Variants in CALY observed in about 807,000 individuals in gnomAD.
The protein encoded by CALY is calcyon neuron specific vesicular protein.
In CALY, 15 loss-of-function variants were observed where a neutral mutation model predicts 20.2. The observed-to-expected ratio is 0.74, with a 90% confidence interval of 0.50 to 1.14. The LOEUF (loss-of-function observed/expected upper bound fraction) is 1.14. Ranked by LOEUF, CALY falls within the 50% of genes most tolerant of loss-of-function variation. The pLI is 0.00. For missense variants in CALY, 270 were observed against 304.4 expected, an observed-to-expected ratio of 0.89 and a Z score of 0.84; for synonymous variants, 129 against 131.8, an observed-to-expected ratio of 0.98 and a Z score of 0.15.
At chr10:133,326,732 G>T in intron 4 of CALY, 146 bp downstream of exon 4, 1 of 604,156 alleles carries the variant, frequency 1.7e-6, no homozygotes, top group Non-Finnish European at 3.0e-6. Flanking sequence ...CAAAAGATAC[G>T]ATCTCATGTT....
At chr10:133,336,613 A>C (rs1227001898) in intron 1 of CALY, among the ~76,000 whole-genome samples, 2 of 152,170 alleles carry the variant, frequency 1.3e-5, no homozygotes, top group African/African-American at 2.4e-5. Flanking sequence ...CAGCCAGAGG[A>C]GGCCCGAGGG....
rs540476180 is a variant in CALY, at chr10:133,336,470, C to G, written c.-21+364G>C. On this transcript the variant is annotated intron_variant, in intron 1 of 5. Transcript: ENST00000252939. ...TCCGGCGGACAGAGCTGGGCGGGAG[C>G]TGGGACTGGTACCCCCTCCCCACCT... Among the ~76,000 whole-genome samples the G allele has an allele frequency of 2.8e-4, 42 of 152,036 alleles. 1 individual carries two copies. In the South Asian group the frequency reaches 8.3e-3, roughly 30 times the overall value.
At chr10:133,333,163 T>G (rs1453553214) in intron 1 of CALY, among the ~76,000 whole-genome samples, 1 of 151,458 alleles carries the variant, frequency 6.6e-6, no homozygotes, top group Non-Finnish European at 1.5e-5. Context: ...ACAGAGCTTC[T>G]GCCCAGCTGC....
chr10:133,331,538 A>G (rs1848308412), intron 1 of CALY, among the ~76,000 whole-genome samples: 1 of 152,204 alleles, frequency 6.6e-6, no homozygotes, highest in South Asian at 2.1e-4. Context: ...AAAACTATCA[A>G]ATCCTCAGGA....
Position 133,324,776 on chromosome 10 carries a change from T to C in CALY, c.*819A>G, listed in dbSNP as rs892100625. The C allele has an allele frequency of 1.4e-4, 1 of 7,014 alleles. No individual in the cohort carries two copies. 0.4% of individuals were successfully genotyped at this position (7,014 alleles called of 1,614,324 possible). A position where few individuals can be genotyped will look rare whatever the true frequency, so the allele number is the denominator to read the frequency against. On this transcript the variant is annotated 3_prime_UTR_variant, in exon 6 of 6. Coordinates refer to ENST00000252939, the MANE Select transcript of CALY (RefSeq NM_015722.4). The stretch of plus-strand genomic sequence containing the variant: ...GATGCTGGGGCTGGGGTGGGGATGC[T>C]GGGGCTGGGGTGGGGATGCTGGGGG...
intron 1 of CALY, among the ~76,000 whole-genome samples, chr10:133,334,841 T>TTGTG (rs979508576): frequency 6.6e-6 from 1 of 152,006 alleles, no homozygotes; most frequent in African/African-American, 2.4e-5. Context: ...CCCCTCGTTG[T>TTGTG]TGTGTGTTCA....
chr10:133,327,117 T>C (rs1177385478), intron 3 of CALY, 126 bp from the exon 4 acceptor site: 5 of 679,620 alleles, frequency 7.4e-6, no homozygotes, highest in Admixed American at 2.3e-5. Flanking sequence ...ACCCCCGCCC[T>C]GGGCAGCCAG....
chr10:133,325,887 C>G lies in CALY; in HGVS notation c.594G>C (p.Lys198Asn), dbSNP rs1444874057. The change falls in exon 5 of 6, where the codon AAG (lysine) becomes AAC (asparagine). Residue 198 changes from lysine to asparagine, a missense_variant. Lys to Asn is a moderately conservative substitution (Grantham distance 94). Transcript: ENST00000252939. ...ATEPPGKPSA[K>N]AEKEAARKAA... ...CCTTCCGCGCCGCCTCCTTCTCCGC[C>G]TTGGCCGACGGCTTCCCGGGGGGTT... is the stretch of plus-strand genomic sequence containing the variant. The G allele has an allele frequency of 7.9e-7, 1 of 1,268,956 alleles. No homozygotes were observed. The highest frequency in any genetic ancestry group is 4.2e-5 in the Admixed American group (1 of 24,000). 78.6% of individuals were successfully genotyped at this position (1,268,956 alleles called of 1,614,324 possible).
Position 133,324,178 on chromosome 10 carries a change from C to G in CALY, c.*1417G>C, listed in dbSNP as rs933549884. 68 of 339,596 alleles carry G rather than the reference C, an allele frequency of 2.0e-4. No individual in the cohort carries two copies. Among genetic ancestry groups the G allele is most frequent in the Admixed American group, 5.1e-4 (13 of 25,564 alleles). The allele number at this position is 339,596 out of a possible 1,614,324, so 21.0% of individuals were successfully genotyped here. A position where few individuals can be genotyped will look rare whatever the true frequency, so the allele number is the denominator to read the frequency against. ...GCCCCGGGCCCCCCTCCCTTGCAGGCCATCAGGGCCAATTCAGTTCTGCGT... is the reference window on the plus strand; with the variant it reads ...GCCCCGGGCCCCCCTCCCTTGCAGGGCATCAGGGCCAATTCAGTTCTGCGT... On this transcript the variant is annotated 3_prime_UTR_variant, in exon 6 of 6. Transcript: ENST00000252939.
chr10:133,335,459 T>G (rs975760735), intron 1 of CALY, among the ~76,000 whole-genome samples: 7 of 152,148 alleles, frequency 4.6e-5, no homozygotes, highest in Non-Finnish European at 8.8e-5. Context: ...GACGGCCAAT[T>G]TACGTCATCG....
intron 2 of CALY, among the ~76,000 whole-genome samples, chr10:133,328,417 G>A (rs895454151): frequency 6.6e-6 from 1 of 152,180 alleles, no homozygotes; most frequent in Non-Finnish European, 1.5e-5. Flanking sequence ...GACTCCCTGG[G>A]GGGTCAAACT....
In CALY at chr10:133,328,908, G is replaced by T; in HGVS notation, c.82C>A (p.Pro28Thr). ...DQDGAAMDSV[P>T]LISPLDISQL... is the part of the protein sequence containing the mutation. ...CTGATGTCCAAGGGGCTGATCAGAG[G>T]CACACTGTCCATGGCAGCCCCATCC... The change falls in exon 2 of 6, where the codon CCT (proline) becomes ACT (threonine). Residue 28 changes from proline to threonine, a missense_variant. By Grantham distance (38) the Pro-to-Thr change is conservative (BLOSUM62 -1). Transcript: ENST00000252939. The T allele has an allele frequency of 6.4e-7, 1 of 1,554,116 alleles. No individual in the cohort carries two copies.
At chr10:133,334,794 C>G (rs1848404338) in intron 1 of CALY, among the ~76,000 whole-genome samples, 1 of 152,024 alleles carries the variant, frequency 6.6e-6, no homozygotes, top group Admixed American at 6.5e-5. Flanking sequence ...GCCCCCAGTC[C>G]TGGACCTGGC....
At chr10:133,329,461 A>C (rs73387601) in intron 1 of CALY, among the ~76,000 whole-genome samples, 2,343 of 145,208 alleles carry the variant, frequency 0.016, 59 homozygotes, top group African/African-American at 0.053. Context: ...TTCTTGGCTT[A>C]CTGCAGCCTT....
At chr10:133,325,776 G>C in intron 5 of CALY, 23 bp downstream of exon 5, 1 of 1,072,954 alleles carries the variant, frequency 9.3e-7, no homozygotes, top group South Asian at 4.6e-5. Flanking sequence ...AGAGCCGGCC[G>C]GAGCCCCGCG....
At chr10:133,330,826 G>A (rs1223901123) in intron 1 of CALY, among the ~76,000 whole-genome samples, 1 of 151,416 alleles carries the variant, frequency 6.6e-6, no homozygotes, top group African/African-American at 2.4e-5. Flanking sequence ...TGAGGCCAAC[G>A]TAGCCTCAGT....
In CALY at chr10:133,328,876, G is replaced by C; in HGVS notation, c.114C>G (p.Leu38=). 6.5e-7 allele frequency: 1 copy of C among 1,545,828 alleles called. No individual in the cohort carries two copies. Among genetic ancestry groups the C allele is most frequent in the Non-Finnish European group, 8.7e-7 (1 of 1,146,180 alleles). Reference sequence around the variant, plus strand: ...TCACCTGGTCAGGGAGTGGCGGCTGGAGCTGGCTGATGTCCAAGGGGCTGA... The same window carrying C: ...TCACCTGGTCAGGGAGTGGCGGCTGCAGCTGGCTGATGTCCAAGGGGCTGA... ...PLISPLDISQ[L]QPPLPDQVVI... is the part of the protein sequence containing the mutation. Residue 38 remains leucine (L), a synonymous_variant, in exon 2 of 6, where the codon CTC becomes CTG. Transcript: ENST00000252939.
chr10:133,327,434 C>G, intron 3 of CALY: 1 of 516,170 alleles, frequency 1.9e-6, no homozygotes. Flanking sequence ...GGCGGGGAGC[C>G]CTAGCAGATC....
At position 133,326,569 on chromosome 10, in the gene CALY, T is replaced by A. The variant is rs1848216140; in HGVS notation, c.360+309A>T. On this transcript the variant is annotated intron_variant, in intron 4 of 5. Transcript: ENST00000252939. ...GGTGGGGAGCATTAATATCATGTTA[T>A]ATAAAAATAAAACCTCACACAAGTC... 2.0e-5 allele frequency among the ~76,000 whole-genome samples: 3 copies of A among 152,156 alleles called. 1 individual carries two copies. The highest frequency in any genetic ancestry group is 2.4e-5 in the African/African-American group (1 of 41,414).
Sources: allele counts gnomAD v4.1 joint callset (sites outside exome capture counted in the v4.1 genomes callset), GRCh38; gene constraint gnomAD v4.1.1; transcripts MANE v1.5; gene names NCBI Gene and HGNC (gene_info 2026-07-23, HGNC 2026-07-21).